PDE6A: variants seen among roughly 807,000 people sequenced by gnomAD.
PDE6A encodes phosphodiesterase 6A, also known as rod cGMP-specific 3',5'-cyclic phosphodiesterase subunit alpha.
In PDE6A, 84 loss-of-function variants were observed where a neutral mutation model predicts 106.3. The ratio of observed to expected loss-of-function variants is 0.79; its 90% CI spans 0.66 to 0.95. The LOEUF is 0.95. Among genes scored for constraint, PDE6A ranks in the 40% least tolerant of loss-of-function variants. The pLI is 0.00. For synonymous variants in PDE6A, 394 were observed against 386.6 expected (o/e 1.02, Z -0.23); for missense variants, 1,052 against 1,084.9 (o/e 0.97, Z 0.43).
intron 6 of PDE6A, among the ~76,000 whole-genome samples, chr5:149,909,128 C>A (rs147579843): frequency 2.6e-3 from 389 of 151,854 alleles, no homozygotes; most frequent in Middle Eastern, 3.4e-3. Flanking sequence ...CCCAAGTAGC[C>A]AGGATTATAG....
At chr5:149,868,622 TGTAGA>T (rs1429400786) in intron 17 of PDE6A, among the ~76,000 whole-genome samples, 1 of 152,224 alleles carries the variant, frequency 6.6e-6, no homozygotes, top group Non-Finnish European at 1.5e-5. Context: ...TCTTTTCTAC[TGTAGA>T]GAAGTGTTTC....
intron 13 of PDE6A, among the ~76,000 whole-genome samples, chr5:149,890,894 T>C (rs1012287407): frequency 6.6e-6 from 1 of 152,360 alleles, no homozygotes; most frequent in Non-Finnish European, 1.5e-5. Flanking sequence ...ATTGGTGAGA[T>C]ATACAATTTT....
intron 5 of PDE6A, 143 bp downstream of exon 5, chr5:149,921,492 A>C: frequency 1.5e-6 from 1 of 663,778 alleles, no homozygotes; most frequent in Non-Finnish European, 2.7e-6. Context: ...GCTATTGAAT[A>C]TGAGAGATTA....
At chr5:149,932,769 C>A in intron 3 of PDE6A, 1 of 986,930 alleles carries the variant, frequency 1.0e-6, no homozygotes, top group Admixed American at 2.2e-5. Context: ...CATATTAAAT[C>A]CTTTAACTTG....
In PDE6A at chr5:149,944,443, G is replaced by A. The variant is rs1157969334; in HGVS notation, c.231C>T (p.Cys77=). 3.7e-6 allele frequency: 6 copies of A among 1,613,976 alleles called. No individual in the cohort carries two copies. The highest frequency in any genetic ancestry group is 5.1e-6 in the Non-Finnish European group (6 of 1,180,000). Residue 77 remains cysteine, a synonymous_variant, in exon 1 of 22, where the codon TGC becomes TGT. Transcript: ENST00000255266. ...DFQENLQTEK[C]IFNVMKKLCF... is the part of the protein sequence containing the mutation. ...ACAGCTTCTTCATGACATTGAAGAT[G>A]CATTTCTCTGTCTGTAAATTCTCCT...
intron 7 of PDE6A, among the ~76,000 whole-genome samples, chr5:149,905,757 C>T (rs561071771): frequency 6.6e-6 from 1 of 152,352 alleles, no homozygotes; most frequent in South Asian, 2.1e-4. Flanking sequence ...TGCTGAGATT[C>T]TCATCACCTC....
intron 17 of PDE6A, among the ~76,000 whole-genome samples, chr5:149,870,027 AC>A (rs1393756409): frequency 2.0e-5 from 3 of 152,176 alleles, no homozygotes; most frequent in Admixed American, 6.5e-5. Flanking sequence ...AGTGGCTCAC[AC>A]CTGTAATCTT....
At chr5:149,938,811 A>G (rs1162886788) in intron 1 of PDE6A, among the ~76,000 whole-genome samples, 1 of 152,168 alleles carries the variant, frequency 6.6e-6, no homozygotes, top group East Asian at 1.9e-4. Flanking sequence ...TTCCCAAGGC[A>G]ATTCCCAAGA....
intron 15 of PDE6A, 47 bp from the exon 16 acceptor site, chr5:149,884,626 G>T: frequency 8.5e-6 from 13 of 1,527,408 alleles, no homozygotes; most frequent in Non-Finnish European, 1.2e-5. Flanking sequence ...GATGCTGGCA[G>T]TAAAGTCACC....
At chr5:149,889,058 G>A (rs1435761223) in intron 13 of PDE6A, among the ~76,000 whole-genome samples, 4 of 119,338 alleles carry the variant, frequency 3.4e-5, no homozygotes, top group Non-Finnish European at 6.6e-5. Flanking sequence ...CTCCAGCCTG[G>A]GCGACAGAGT....
chr5:149,872,783 C>T (rs748554414), intron 17 of PDE6A, among the ~76,000 whole-genome samples: 1 of 152,190 alleles, frequency 6.6e-6, no homozygotes, highest in Non-Finnish European at 1.5e-5. Flanking sequence ...TCCACAAATG[C>T]CTGCGTGATG....
At chr5:149,926,473 A>T (rs1287612514) in intron 4 of PDE6A, among the ~76,000 whole-genome samples, 1 of 152,210 alleles carries the variant, frequency 6.6e-6, no homozygotes, top group African/African-American at 2.4e-5. Context: ...CACACTAAAC[A>T]TAAAAAAGTT....
intron 1 of PDE6A, among the ~76,000 whole-genome samples, chr5:149,938,822 T>C (rs1417189648): frequency 1.3e-5 from 2 of 152,050 alleles, no homozygotes; most frequent in African/African-American, 4.8e-5. Context: ...ATTCCCAAGA[T>C]AAGTAGGAAT....
Position 149,859,979 on chromosome 5 carries a change from A to T in PDE6A, c.*916T>A, listed in dbSNP as rs1180976798. 1 of 152,280 alleles carries T rather than the reference A, an allele frequency of 6.6e-6. No individual in the cohort carries two copies. Among genetic ancestry groups the T allele is most frequent in the African/African-American group, 2.4e-5 (1 of 41,472 alleles). The allele number at this position is 152,280 out of a possible 1,614,324, so 9.4% of individuals were successfully genotyped here. ...GAGTGCAGTAGCATGATCTCAGCTC[A>T]CTGCAACTTCCGCCTCCTGGGTTCA... On this transcript the variant is annotated 3_prime_UTR_variant, in exon 22 of 22. Coordinates refer to ENST00000255266, the MANE Select transcript of PDE6A (RefSeq NM_000440.3).
intron 5 of PDE6A, among the ~76,000 whole-genome samples, chr5:149,920,484 G>A (rs554067902): frequency 3.9e-5 from 6 of 152,302 alleles, no homozygotes; most frequent in Non-Finnish European, 7.3e-5. Context: ...GGGAGGCTGA[G>A]GCAGGAGAAT....
At chr5:149,868,260 A>AGAGAGATGGAATTAACCAGTACATGAAGT in intron 17 of PDE6A, 102 bp from the exon 18 acceptor site, 1 of 1,176,126 alleles carries the variant, frequency 8.5e-7, no homozygotes, top group Non-Finnish European at 1.3e-6. Context: ...CTAGTAGGTG[A>AGAGAGATGGAATTAACCAGTACATGAAGT]CTTTGTCTCA....
intron 13 of PDE6A, among the ~76,000 whole-genome samples, chr5:149,892,763 G>T (rs1291859969): frequency 1.3e-5 from 2 of 152,048 alleles, no homozygotes; most frequent in East Asian, 1.9e-4. Context: ...TTACAGGTGT[G>T]AGCCACTGCA....
chr5:149,872,380 G>C (rs1447201630), intron 17 of PDE6A, among the ~76,000 whole-genome samples: 1 of 152,154 alleles, frequency 6.6e-6, no homozygotes, highest in Non-Finnish European at 1.5e-5. Flanking sequence ...AGATGCTTTT[G>C]TAAATGCACC....
At chr5:149,902,376 G>C (rs531205980) in intron 8 of PDE6A, among the ~76,000 whole-genome samples, 15 of 151,904 alleles carry the variant, frequency 9.9e-5, no homozygotes, top group Non-Finnish European at 2.2e-4. Context: ...ATCACCACTC[G>C]GTGTCTCTTT....
Sources: gnomAD v4.1 joint callset for allele counts (sites outside exome capture counted in the v4.1 genomes callset) on GRCh38, gnomAD v4.1.1 for gene constraint, MANE v1.5 for transcripts, NCBI Gene and HGNC (gene_info 2026-07-23, HGNC 2026-07-21) for gene names.